Variants in NLRC5 observed in about 807,000 individuals in gnomAD.
The protein encoded by NLRC5 is protein NLRC5.
A neutral mutation model predicts 206.9 loss-of-function variants in NLRC5; 114 were observed. The ratio of observed to expected loss-of-function variants is 0.55; its 90% CI spans 0.47 to 0.64. The LOEUF (loss-of-function observed/expected upper bound fraction) is 0.64, where lower values mean the gene tolerates loss of function less well. Among genes scored for constraint, NLRC5 ranks in the 30% least tolerant of loss-of-function variants. The probability of loss-of-function intolerance (pLI) is 0.00; values close to 1 mark genes in which losing one functional copy is unlikely to be tolerated. For synonymous variants in NLRC5, 952 were observed against 962.8 expected, an observed-to-expected ratio of 0.99 and a Z score of 0.21; for missense variants, 2,008 against 2,305.5, an observed-to-expected ratio of 0.87 and a Z score of 2.64.
chr16:57,023,383 G>C (rs1175093516), intron 4 of NLRC5, among the ~76,000 whole-genome samples: 5 of 152,188 alleles, frequency 3.3e-5, no homozygotes, highest in African/African-American at 1.2e-4. Flanking sequence ...AGAGGAGGGA[G>C]GTTGCAGGCC....
chr16:57,035,099 G>A (rs77294637), intron 13 of NLRC5, among the ~76,000 whole-genome samples: 4,718 of 152,160 alleles, frequency 0.031, 104 homozygotes, highest in Non-Finnish European at 0.048. Context: ...GCCCCTCCCC[G>A]AGTGCCATCA....
intron 3 of NLRC5, 128 bp from the exon 4 acceptor site, chr16:57,022,128 T>G: frequency 1.6e-6 from 1 of 641,348 alleles, no homozygotes; most frequent in Non-Finnish European, 2.7e-6. Context: ...TAACTGAGTG[T>G]TCCATTTAGT....
chr16:57,043,479 G>A, intron 19 of NLRC5, 36 bp from the exon 20 acceptor site: 2 of 1,521,000 alleles, frequency 1.3e-6, no homozygotes, highest in Non-Finnish European at 1.8e-6. Flanking sequence ...TTTGGGTCCT[G>A]AGTGACCTCC....
At chr16:57,020,131 T>C (rs139043483) in intron 2 of NLRC5, among the ~76,000 whole-genome samples, 1 of 152,142 alleles carries the variant, frequency 6.6e-6, no homozygotes, top group African/African-American at 2.4e-5. Flanking sequence ...GGTTCTTGAC[T>C]GCTTGACTTC....
chr16:57,071,711 G>GGT (rs2067816124), intron 38 of NLRC5, among the ~76,000 whole-genome samples: 3 of 139,970 alleles, frequency 2.1e-5, no homozygotes, highest in African/African-American at 5.3e-5. Flanking sequence ...AGTGGTGATG[G>GGT]TGGTTAATGG....
chr16:57,042,863 C>G (rs1428949526), intron 19 of NLRC5, among the ~76,000 whole-genome samples: 1 of 152,132 alleles, frequency 6.6e-6, no homozygotes, highest in East Asian at 1.9e-4. Flanking sequence ...TTGTGCAATG[C>G]TGGGAAGGAA....
At chr16:57,076,741 C>G in intron 39 of NLRC5, 78 bp from the exon 40 acceptor site, 1 of 1,361,588 alleles carries the variant, frequency 7.3e-7, no homozygotes, top group Non-Finnish European at 1.1e-6. Flanking sequence ...GCTTTGCAAA[C>G]TGTAGAGTTC....
At chr16:57,077,657 A>ATGTGCTGGGG in intron 41 of NLRC5, 62 bp from the exon 42 acceptor site, 1 of 1,482,702 alleles carries the variant, frequency 6.7e-7, no homozygotes, top group Non-Finnish European at 9.1e-7. Flanking sequence ...GACCCAGCAG[A>ATGTGCTGGGG]TGTGCTGGGG....
rs1489196394 is a variant in NLRC5, at chr16:57,045,640, G to A, written c.3248+148G>A. The A allele has an allele frequency of 7.4e-6, 5 of 672,928 alleles. No homozygotes were observed. The East Asian group carries it at 8.2e-5, about 11-fold the overall frequency. 41.7% of individuals were successfully genotyped at this position (672,928 alleles called of 1,614,324 possible). The stretch of plus-strand genomic sequence containing the variant: ...CACACTAGGTTTAATCACCACTTCA[G>A]TAACCACCGCCCCCCCCATAAATTG... On this transcript the variant is annotated intron_variant, in intron 21 of 48. Transcript: ENST00000688547.
chr16:57,031,705 CA>C (rs1215707966), intron 11 of NLRC5, among the ~76,000 whole-genome samples: 2 of 149,394 alleles, frequency 1.3e-5, no homozygotes, highest in African/African-American at 5.0e-5. Flanking sequence ...CAGAGGAAGG[CA>C]AACCCTTGGG....
rs1567657062 is a variant in NLRC5, at chr16:57,082,521, G to A, written c.5594G>A (p.Gly1865Asp). Residue 1865 changes from glycine (G) to aspartate (D), a missense_variant, in exon 49 of 49, where the codon GGT becomes GAT. Coordinates refer to ENST00000688547, the MANE Select transcript of NLRC5 (RefSeq NM_001384950.1). ...FFDNQPQAPW[G>D]T ...GACAACCAGCCCCAGGCCCCTTGGG[G>A]TACTTGATGGCCCCCTCAAGACCTT... The A allele has an allele frequency of 1.2e-6, 2 of 1,611,516 alleles. No individual in the cohort carries two copies. Among genetic ancestry groups the A allele is most frequent in the Non-Finnish European group, 1.7e-6 (2 of 1,177,884 alleles).
rs746051111 is a variant in NLRC5, at chr16:57,033,575, C to T, written c.2478-29C>T. ...CCACCAGGCCCTAGATGCCTGAGCC[C>T]AGGCCAATGCTTGATTTGTTCTTGC... On this transcript the variant is annotated intron_variant, in intron 11 of 48. Coordinates refer to ENST00000688547, the MANE Select transcript of NLRC5 (RefSeq NM_001384950.1). 12 of 1,612,762 alleles carry T rather than the reference C, an allele frequency of 7.4e-6. No homozygotes were observed. In the South Asian group the frequency reaches 1.3e-4, roughly 18 times the overall value.
chr16:57,080,766 C>T (rs774836458), intron 46 of NLRC5: 3 of 243,642 alleles, frequency 1.2e-5, no homozygotes, highest in Non-Finnish European at 2.4e-5. Context: ...CACGCCCAGC[C>T]AAGATTAATT....
intron 2 of NLRC5, among the ~76,000 whole-genome samples, chr16:57,020,033 C>A (rs1299373310): frequency 6.6e-6 from 1 of 152,068 alleles, no homozygotes; most frequent in East Asian, 1.9e-4. Context: ...ACAGACTGAT[C>A]TCTGGAGCTG....
At chr16:57,062,306 C>T (rs1212942766) in intron 32 of NLRC5, 8 of 387,202 alleles carry the variant, frequency 2.1e-5, no homozygotes, top group Non-Finnish European at 3.5e-5. Context: ...TCCTTAGTGT[C>T]GGGTACTACC....
chr16:57,054,634 G>A (rs2065362231), intron 24 of NLRC5, 117 bp from the exon 25 acceptor site: 2 of 797,524 alleles, frequency 2.5e-6, no homozygotes, highest in East Asian at 4.9e-5. Flanking sequence ...TCCCCTGCCT[G>A]CTTCCCTATT....
At chr16:57,059,143 C>T (rs2066076287) in intron 29 of NLRC5, 82 bp downstream of exon 29, 1 of 1,609,474 alleles carries the variant, frequency 6.2e-7, no homozygotes, top group Non-Finnish European at 8.5e-7. Context: ...AGCAAGGCAC[C>T]CACACTTTGT....
rs2069312858 is a variant in NLRC5 at position 57,082,866 on chromosome 16, T to C, written c.*338T>C. The C allele has an allele frequency of 4.5e-6, 1 of 220,760 alleles. No homozygotes were observed. The highest frequency in any genetic ancestry group is 1.1e-4 in the East Asian group (1 of 8,842). The allele number at this position is 220,760 out of a possible 1,614,324, so 13.7% of individuals were successfully genotyped here. On this transcript the variant is annotated 3_prime_UTR_variant, in exon 49 of 49. Coordinates refer to ENST00000688547, the MANE Select transcript of NLRC5 (RefSeq NM_001384950.1). Reference sequence around the variant, plus strand: ...ACATGTGGCGTTACATGAAAGTCAGTGTGGCACGTGTTCTGTGGCATGGGT... The same window carrying C: ...ACATGTGGCGTTACATGAAAGTCAGCGTGGCACGTGTTCTGTGGCATGGGT...
intron 1 of NLRC5, chr16:57,014,014 A>C (rs1452834683): frequency 8.7e-6 from 3 of 346,518 alleles, no homozygotes; most frequent in African/African-American, 6.6e-5. Context: ...GTTTCTTGAC[A>C]GATTTAAGTT....
Sources: gnomAD v4.1 joint callset for allele counts (sites outside exome capture counted in the v4.1 genomes callset) on GRCh38, gnomAD v4.1.1 for gene constraint, MANE v1.5 for transcripts, NCBI Gene and HGNC (gene_info 2026-07-23, HGNC 2026-07-21) for gene names.